Variants in PLXNC1 observed in about 807,000 individuals in gnomAD.
The protein encoded by PLXNC1 is plexin-C1.
A neutral mutation model predicts 178.2 loss-of-function variants in PLXNC1; 75 were observed. That is an observed-to-expected ratio of 0.42 (90% CI 0.35 to 0.51). The LOEUF is 0.51. PLXNC1 is among the 20% of genes least tolerant of loss of function. The probability of loss-of-function intolerance (pLI) is 0.02; values close to 1 mark genes in which losing one functional copy is unlikely to be tolerated. For missense variants in PLXNC1, 1,503 were observed against 1,984.4 expected (o/e 0.76, Z 4.61); for synonymous variants, 790 against 779.9 (o/e 1.01, Z -0.22).
chr12:94,263,967 GA>G (rs202116044), intron 20 of PLXNC1, among the ~76,000 whole-genome samples: 6,512 of 152,160 alleles, frequency 0.043, 189 homozygotes, highest in East Asian at 0.063. Context: ...AAGCAGGTGA[GA>G]CCCAGTGGAA....
chr12:94,279,348 TAC>T (rs1481971224), intron 21 of PLXNC1, 122 bp from the exon 22 acceptor site: 2 of 700,538 alleles, frequency 2.9e-6, no homozygotes, highest in East Asian at 2.7e-5. Context: ...TCTAATGCAA[TAC>T]AGTGTTTGCT....
At chr12:94,199,202 A>C (rs1359469584) in intron 4 of PLXNC1, among the ~76,000 whole-genome samples, 2 of 152,174 alleles carry the variant, frequency 1.3e-5, no homozygotes, top group Non-Finnish European at 2.9e-5. Context: ...GGGCTATTGC[A>C]CTATTGAGTG....
At position 94,283,847 on chromosome 12, in the gene PLXNC1, G is replaced by T. The variant is rs534324964; in HGVS notation, c.3879+1446G>T. On this transcript the variant is annotated intron_variant, in intron 23 of 30. Coordinates refer to ENST00000258526, the MANE Select transcript of PLXNC1 (RefSeq NM_005761.3). ...GCCTGTAATCCCAGCACTTCGGGAG[G>T]CTGAGGTGGGTGGATCACCTGAGGT... Among the ~76,000 whole-genome samples, 7 of 152,328 alleles carry T rather than the reference G, an allele frequency of 4.6e-5. No individual in the cohort carries two copies. In the East Asian group the frequency reaches 1.3e-3, roughly 29 times the overall value.
At chr12:94,196,412 A>G (rs1592754032) in intron 4 of PLXNC1, among the ~76,000 whole-genome samples, 1 of 152,030 alleles carries the variant, frequency 6.6e-6, no homozygotes, top group South Asian at 2.1e-4. Context: ...TCTTGCTCCC[A>G]CCCTAGCCGT....
At chr12:94,277,953 TCC>T (rs1247177047) in intron 21 of PLXNC1, 1 of 456,060 alleles carries the variant, frequency 2.2e-6, no homozygotes, top group Non-Finnish European at 4.4e-6. Flanking sequence ...TTTTCATCTC[TCC>T]CCTGAGCCCT....
In PLXNC1 at chr12:94,260,487, G is replaced by A. The variant is rs1296971639; in HGVS notation, c.3252-155G>A. ...AAACACAGAAAATGTTCTAGAGATA[G>A]AAGTGGTTAGAATCTAAACATTAAA... is the stretch of plus-strand genomic sequence containing the variant. On this transcript the variant is annotated intron_variant, in intron 19 of 30. Coordinates refer to ENST00000258526, the MANE Select transcript of PLXNC1 (RefSeq NM_005761.3). This position sits in a 1 kb window ranked among gnomAD's most constrained non-coding sequence, Gnocchi z 4.4. Among the ~76,000 whole-genome samples the A allele has an allele frequency of 6.8e-6, 1 of 146,458 alleles. No homozygotes were observed. The highest frequency in any genetic ancestry group is 2.5e-5 in the African/African-American group (1 of 39,392).
rs779646062 is a variant in PLXNC1, at chr12:94,237,810, C to T, written c.2120+7C>T. The T allele has an allele frequency of 7.4e-6, 12 of 1,612,016 alleles. No individual in the cohort carries two copies. In the South Asian group the frequency reaches 9.9e-5, roughly 13 times the overall value. The stretch of plus-strand genomic sequence containing the variant: ...GTACCTGTGATAAGGATGTGTGAGT[C>T]GAAATACTAATAATTTATCCTCGGT... On this transcript the variant is annotated splice_region_variant and intron_variant, in intron 10 of 30. Coordinates refer to ENST00000258526, the MANE Select transcript of PLXNC1 (RefSeq NM_005761.3).
chr12:94,237,653 C>A lies in PLXNC1; in HGVS notation c.1981-11C>A. The A allele has an allele frequency of 6.2e-7, 1 of 1,609,304 alleles. No homozygotes were observed. Reference sequence around the variant, plus strand: ...CTTTGATCTCCTGTTTTAATCTTTTCTTTCCAATAGGTCTTCTACATTAAG... The same window carrying A: ...CTTTGATCTCCTGTTTTAATCTTTTATTTCCAATAGGTCTTCTACATTAAG... On this transcript the variant is annotated splice_polypyrimidine_tract_variant and intron_variant, in intron 9 of 30. Transcript: ENST00000258526.
chr12:94,223,782 G>T (rs959438078), intron 6 of PLXNC1, among the ~76,000 whole-genome samples: 21 of 152,208 alleles, frequency 1.4e-4, no homozygotes, highest in African/African-American at 4.8e-4. Flanking sequence ...ACACTTTAGA[G>T]TATGTTAGGT....
chr12:94,301,858 A>G (rs540215958), intron 28 of PLXNC1, among the ~76,000 whole-genome samples: 8 of 152,254 alleles, frequency 5.3e-5, no homozygotes, highest in South Asian at 2.1e-4. Flanking sequence ...AGAATCCTCA[A>G]CGTTATCTTT....
chr12:94,251,011 A>G (rs993303697), intron 14 of PLXNC1, among the ~76,000 whole-genome samples: 9 of 152,200 alleles, frequency 5.9e-5, no homozygotes, highest in African/African-American at 2.2e-4. Flanking sequence ...ACAGAGCAAG[A>G]CTTTGTCTCT....
intron 10 of PLXNC1, among the ~76,000 whole-genome samples, chr12:94,239,241 AG>A: frequency 6.6e-6 from 1 of 152,336 alleles, no homozygotes; most frequent in Non-Finnish European, 1.5e-5. Flanking sequence ...ACCTGAGCCC[AG>A]GCTGTAATCC....
intron 1 of PLXNC1, among the ~76,000 whole-genome samples, chr12:94,161,820 C>A (rs1023350756): frequency 2.0e-5 from 3 of 152,122 alleles, no homozygotes; most frequent in Non-Finnish European, 4.4e-5. Context: ...AACCAAGGCC[C>A]AGTATTTACA....
At chr12:94,155,463 A>C (rs1961132389) in intron 1 of PLXNC1, among the ~76,000 whole-genome samples, 1 of 152,184 alleles carries the variant, frequency 6.6e-6, no homozygotes, top group Admixed American at 6.5e-5. Flanking sequence ...AAGATAAAAC[A>C]ATTTTCCTTG....
chr12:94,285,043 G>A (rs1966744773), intron 23 of PLXNC1, among the ~76,000 whole-genome samples: 1 of 152,194 alleles, frequency 6.6e-6, no homozygotes, highest in Non-Finnish European at 1.5e-5. Context: ...GGAATCAGAT[G>A]CTCAGGAGGA....
Position 94,213,868 on chromosome 12 carries a change from AT to A in PLXNC1, c.1554+4180del, listed in dbSNP as rs779977778. On this transcript the variant is annotated intron_variant, in intron 5 of 30. Coordinates refer to ENST00000258526, the MANE Select transcript of PLXNC1 (RefSeq NM_005761.3). ...AAGGGATCCAGTTTCCGCTTTCTAC[AT>A]TTTTTTTTTTTTTTTGAGATGGAGT... 3.3e-3 allele frequency among the ~76,000 whole-genome samples: 469 copies of A among 140,934 alleles called. 1 individual carries two copies. The highest frequency in any genetic ancestry group is 6.1e-3 in the African/African-American group (228 of 37,586). The allele number at this position is 140,934 out of a possible 152,430, so 92.5% of individuals were successfully genotyped here.
intron 9 of PLXNC1, among the ~76,000 whole-genome samples, chr12:94,232,102 C>T (rs9943784): frequency 0.011 from 1,725 of 152,256 alleles, 31 homozygotes; most frequent in African/African-American, 0.039. Flanking sequence ...CTTCCCCCCT[C>T]CGAGATGGAG....
At chr12:94,247,227 G>GT (rs988346508) in intron 12 of PLXNC1, among the ~76,000 whole-genome samples, 2 of 151,180 alleles carry the variant, frequency 1.3e-5, no homozygotes, top group African/African-American at 4.9e-5. Flanking sequence ...ATGTGTTGTT[G>GT]TTTTTTTTTA....
At chr12:94,171,159 A>C (rs1961828445) in intron 2 of PLXNC1, among the ~76,000 whole-genome samples, 1 of 152,194 alleles carries the variant, frequency 6.6e-6, no homozygotes, top group Non-Finnish European at 1.5e-5. Context: ...TTCACCCAGC[A>C]GCCTGCATGC....
Sources: gnomAD v4.1 joint callset for allele counts (sites outside exome capture counted in the v4.1 genomes callset) on GRCh38, gnomAD v4.1.1 for gene constraint, Gnocchi (gnomAD v3.1) non-coding constraint, MANE v1.5 for transcripts, NCBI Gene and HGNC (gene_info 2026-07-23, HGNC 2026-07-21) for gene names.